Variants in WWTR1 observed in about 807,000 individuals in gnomAD.
WWTR1 encodes WW domain containing transcription regulator 1.
WWTR1 carries 13 observed loss-of-function variants against 40.1 expected under a neutral mutation model. The ratio of observed to expected loss-of-function variants is 0.32; its 90% CI spans 0.21 to 0.52. The LOEUF (loss-of-function observed/expected upper bound fraction) is 0.52, where lower values mean the gene tolerates loss of function less well. WWTR1 is among the 20% of genes least tolerant of loss of function. The pLI is 0.97. For synonymous variants in WWTR1, 230 were observed against 210.1 expected, an observed-to-expected ratio of 1.09 and a Z score of -0.82; for missense variants, 436 against 523.1, an observed-to-expected ratio of 0.83 and a Z score of 1.63.
intron 1 of WWTR1, among the ~76,000 whole-genome samples, chr3:149,689,373 C>A (rs1423923455): frequency 2.0e-5 from 2 of 97,882 alleles, no homozygotes; most frequent in Non-Finnish European, 3.8e-5. Flanking sequence ...AGAGTGAGAA[C>A]CTATCTCAAA....
intron 1 of WWTR1, among the ~76,000 whole-genome samples, chr3:149,679,752 T>C (rs75956314): frequency 0.043 from 6,557 of 152,130 alleles, 293 homozygotes; most frequent in East Asian, 0.13. Flanking sequence ...CTAGGGATGA[T>C]GATAAAAACC....
rs778477555 is a variant in WWTR1 at position 149,542,340 on chromosome 3, T to A, written c.766A>T (p.Arg256Trp). 1.2e-6 allele frequency: 2 copies of A among 1,613,084 alleles called. No individual in the cohort carries two copies. Among genetic ancestry groups the A allele is most frequent in the South Asian group, 2.2e-5 (2 of 90,980 alleles). Residue 256 changes from arginine (R) to tryptophan (W), a missense_variant, in exon 4 of 7, where the codon AGG becomes TGG. Arg to Trp is a moderately radical substitution (Grantham distance 101). Coordinates refer to ENST00000360632, the MANE Select transcript of WWTR1 (RefSeq NM_015472.6). ...RIRMRQEELM[R>W]QEAALCRQLP... ...GACACCATGGAAAGCCATACCTGCC[T>A]CATGAGCTCCTCTTGGCGCATTCGA... is the stretch of plus-strand genomic sequence containing the variant.
chr3:149,629,750 A>G (rs1458041002), intron 2 of WWTR1, among the ~76,000 whole-genome samples: 3 of 152,240 alleles, frequency 2.0e-5, no homozygotes, highest in Non-Finnish European at 4.4e-5. Flanking sequence ...AAAACAAAAA[A>G]TCCTTTCATA....
chr3:149,683,605 A>T (rs758111118), intron 1 of WWTR1, among the ~76,000 whole-genome samples: 13 of 152,178 alleles, frequency 8.5e-5, no homozygotes, highest in Non-Finnish European at 1.9e-4. Context: ...GAGGCAGGAG[A>T]ATCTCTGGAA....
At chr3:149,649,098 T>G (rs1576621495) in intron 2 of WWTR1, 1 of 152,496 alleles carries the variant, frequency 6.6e-6, no homozygotes. Context: ...ATTCAAGCGA[T>G]TCTCCTGCCT....
chr3:149,602,876 T>A (rs914497407), intron 2 of WWTR1, among the ~76,000 whole-genome samples: 1 of 152,086 alleles, frequency 6.6e-6, no homozygotes, highest in African/African-American at 2.4e-5. Flanking sequence ...GCCAGGCTGG[T>A]CTCGAACTCC....
chr3:149,574,450 G>A lies in WWTR1; in HGVS notation c.432-1450C>T, dbSNP rs529160824. On this transcript the variant is annotated intron_variant, in intron 2 of 6. Coordinates refer to ENST00000360632, the MANE Select transcript of WWTR1 (RefSeq NM_015472.6). Reference sequence around the variant, plus strand: ...AACCAGGTGGGTCTCTTCCAGTCAGGCCCCCACCATTGACCTTCCTTAGAC... The same window carrying A: ...AACCAGGTGGGTCTCTTCCAGTCAGACCCCCACCATTGACCTTCCTTAGAC... Among the ~76,000 whole-genome samples the A allele has an allele frequency of 1.4e-4, 22 of 152,190 alleles. No homozygotes were observed. In the South Asian group the frequency reaches 4.4e-3, roughly 30 times the overall value.
chr3:149,643,874 G>A (rs770068899), intron 2 of WWTR1, among the ~76,000 whole-genome samples: 6 of 151,774 alleles, frequency 4.0e-5, no homozygotes, highest in Admixed American at 2.6e-4. Context: ...TGGCTTCCAC[G>A]CACCACTCTC....
At chr3:149,688,579 G>T (rs150522695) in intron 1 of WWTR1, among the ~76,000 whole-genome samples, 4 of 152,316 alleles carry the variant, frequency 2.6e-5, no homozygotes, top group East Asian at 3.9e-4. Context: ...GGATTGGGGT[G>T]CCTCCTAATG....
intron 3 of WWTR1, among the ~76,000 whole-genome samples, chr3:149,542,806 G>A (rs964447944): frequency 7.2e-5 from 11 of 152,084 alleles, no homozygotes; most frequent in African/African-American, 2.4e-4. Flanking sequence ...TACATTTTAA[G>A]CCTTACATAG....
At chr3:149,652,482 A>C (rs924780436) in intron 2 of WWTR1, among the ~76,000 whole-genome samples, 7 of 151,310 alleles carry the variant, frequency 4.6e-5, no homozygotes, top group African/African-American at 1.7e-4. Context: ...AATTAGCCAA[A>C]TATGGTGGTG....
chr3:149,592,166 T>C (rs966827574), intron 2 of WWTR1, among the ~76,000 whole-genome samples: 3 of 152,222 alleles, frequency 2.0e-5, no homozygotes, highest in Non-Finnish European at 4.4e-5. Context: ...AAACACTGAA[T>C]GTTATATTCC....
intron 2 of WWTR1, chr3:149,576,067 C>G (rs773172537): frequency 2.2e-6 from 1 of 456,692 alleles, no homozygotes; most frequent in Non-Finnish European, 4.4e-6. Context: ...CAAGAGGGAG[C>G]CTTTCTTAAG....
chr3:149,591,452 G>C (rs1738721146), intron 2 of WWTR1, among the ~76,000 whole-genome samples: 1 of 152,058 alleles, frequency 6.6e-6, no homozygotes, highest in Admixed American at 6.6e-5. Context: ...TAATAACTAG[G>C]GAAAATATTC....
At chr3:149,702,848 G>A (rs1238947169) in intron 1 of WWTR1, 1 of 152,180 alleles carries the variant, frequency 6.6e-6, no homozygotes, top group Non-Finnish European at 1.5e-5. Flanking sequence ...ATTCTGTTTT[G>A]TTGTGAGACT....
chr3:149,559,105 C>G (rs865966698), intron 3 of WWTR1, among the ~76,000 whole-genome samples: 37 of 152,032 alleles, frequency 2.4e-4, no homozygotes, highest in South Asian at 1.2e-3. Flanking sequence ...ACCAGCCTGG[C>G]CAACATGGGG....
At chr3:149,702,390 A>C (rs1715207097) in intron 1 of WWTR1, 1 of 151,972 alleles carries the variant, frequency 6.6e-6, no homozygotes, top group Admixed American at 6.6e-5. Flanking sequence ...AAATTCTACA[A>C]ATCTTGCTTT....
At chr3:149,611,359 C>T (rs1334950320) in intron 2 of WWTR1, among the ~76,000 whole-genome samples, 10 of 152,154 alleles carry the variant, frequency 6.6e-5, no homozygotes. Flanking sequence ...AATATGGCCA[C>T]ACTCACTTAT....
intron 2 of WWTR1, among the ~76,000 whole-genome samples, chr3:149,647,175 A>T (rs1377802552): frequency 1.3e-5 from 2 of 152,210 alleles, no homozygotes; most frequent in African/African-American, 4.8e-5. Context: ...AAACAAAAAA[A>T]CTAGTGCTCT....
Sources: allele counts gnomAD v4.1 joint callset (sites outside exome capture counted in the v4.1 genomes callset), GRCh38; gene constraint gnomAD v4.1.1; transcripts MANE v1.5; gene names NCBI Gene and HGNC (gene_info 2026-07-23, HGNC 2026-07-21).